ATP2B2: variants seen among roughly 807,000 people sequenced by gnomAD.
ATP2B2 encodes the protein plasma membrane calcium-transporting ATPase 2.
In ATP2B2, 15 loss-of-function variants were observed where a neutral mutation model predicts 120.0. That is an observed-to-expected ratio of 0.12 (90% CI 0.08 to 0.19). The LOEUF (loss-of-function observed/expected upper bound fraction) is 0.19. Among genes scored for constraint, ATP2B2 ranks in the 10% least tolerant of loss-of-function variants. ATP2B2 has a pLI of 1.00. For missense variants in ATP2B2, 1,045 were observed against 1,719.8 expected (o/e 0.61, Z 6.94); for synonymous variants, 694 against 700.3 (o/e 0.99, Z 0.14).
chr3:10,680,155 G>A (rs773662234), intron 1 of ATP2B2, among the ~76,000 whole-genome samples: 2 of 152,176 alleles, frequency 1.3e-5, no homozygotes, highest in Non-Finnish European at 2.9e-5. Context: ...ATATCTTGAA[G>A]ATCCCTGGCA....
intron 14 of ATP2B2, among the ~76,000 whole-genome samples, chr3:10,353,848 G>A (rs544159646): frequency 6.6e-6 from 1 of 152,270 alleles, no homozygotes; most frequent in African/African-American, 2.4e-5. Context: ...GGTCTCACAT[G>A]AGCCCTGGTT....
chr3:10,579,290 G>A (rs1191174568), intron 2 of ATP2B2, among the ~76,000 whole-genome samples: 1 of 152,236 alleles, frequency 6.6e-6, no homozygotes, highest in Non-Finnish European at 1.5e-5. Context: ...CTTGCAGCTC[G>A]TGGAGATGAT....
rs190925080 is a variant in ATP2B2, at chr3:10,338,427, G to A, written c.3238-69C>T. The A allele has an allele frequency of 1.8e-5, 28 of 1,554,308 alleles. No individual in the cohort carries two copies. In the Admixed American group the frequency reaches 2.0e-4, roughly 11 times the overall value. On this transcript the variant is annotated intron_variant, in intron 21 of 22. Transcript: ENST00000360273. ...CAGTGGCCTTCTCTCCCTGACACCC[G>A]CTCCTCTACCTCCCTCCTCCTACCC...
At chr3:10,365,734 C>T (rs2061028172) in intron 12 of ATP2B2, among the ~76,000 whole-genome samples, 1 of 7,170 alleles carries the variant, frequency 1.4e-4, no homozygotes, top group Admixed American at 1.2e-3. Context: ...GTGTGTGGTG[C>T]ATGGTGTGCG....
At chr3:10,673,483 G>T (rs2071165328) in intron 1 of ATP2B2, among the ~76,000 whole-genome samples, 1 of 150,812 alleles carries the variant, frequency 6.6e-6, no homozygotes, top group Non-Finnish European at 1.5e-5. Flanking sequence ...AGAGAGACAG[G>T]AAGAGAGAGA....
At chr3:10,444,908 G>A (rs1350214477) in intron 2 of ATP2B2, among the ~76,000 whole-genome samples, 6 of 152,174 alleles carry the variant, frequency 3.9e-5, no homozygotes, top group African/African-American at 1.2e-4. Flanking sequence ...TCTTCTTTCC[G>A]TGAATATTTC....
Position 10,345,995 on chromosome 3 carries a change from C to T in ATP2B2, c.2511+36G>A, listed in dbSNP as rs952577127. The T allele has an allele frequency of 8.2e-6, 13 of 1,582,348 alleles. No homozygotes were observed. In the Middle Eastern group the frequency reaches 5.0e-4, roughly 60 times the overall value. ...GGTTGTGTAGTCCAATCTCCCCAGC[C>T]CCCACCACCCCAGGCCCTCTGTGGG... On this transcript the variant is annotated intron_variant, in intron 17 of 22. Coordinates refer to ENST00000360273, the MANE Select transcript of ATP2B2 (RefSeq NM_001001331.4).
At chr3:10,377,196 G>T (rs1559251453) in intron 10 of ATP2B2, among the ~76,000 whole-genome samples, 1 of 152,152 alleles carries the variant, frequency 6.6e-6, no homozygotes, top group Non-Finnish European at 1.5e-5. Flanking sequence ...TTTCCATAGA[G>T]TCTTCTGCCT....
intron 14 of ATP2B2, among the ~76,000 whole-genome samples, chr3:10,353,584 C>G (rs1488008363): frequency 6.6e-6 from 1 of 152,112 alleles, no homozygotes; most frequent in Non-Finnish European, 1.5e-5. Flanking sequence ...GGTTCTGGAC[C>G]AGGGATATGC....
chr3:10,551,962 A>C (rs1559454513), intron 2 of ATP2B2, among the ~76,000 whole-genome samples: 1 of 151,680 alleles, frequency 6.6e-6, no homozygotes, highest in Non-Finnish European at 1.5e-5. Flanking sequence ...AACAATGCCA[A>C]GGTTGCATAA....
At chr3:10,512,948 C>T (rs1040451810) in intron 3 of ATP2B2, among the ~76,000 whole-genome samples, 3 of 152,214 alleles carry the variant, frequency 2.0e-5, no homozygotes, top group African/African-American at 7.2e-5. Flanking sequence ...AAAATGCGCA[C>T]GATGCCATGT....
chr3:10,359,607 C>T (rs1396370088), intron 13 of ATP2B2, among the ~76,000 whole-genome samples: 2 of 152,106 alleles, frequency 1.3e-5, no homozygotes, highest in Non-Finnish European at 2.9e-5. Flanking sequence ...GATGAACCAG[C>T]GGCTTAGGGA....
chr3:10,536,011 T>C (rs2067306042), intron 2 of ATP2B2, among the ~76,000 whole-genome samples: 2 of 152,158 alleles, frequency 1.3e-5, no homozygotes, highest in Non-Finnish European at 2.9e-5. Context: ...GTGGATCCAA[T>C]TTCTCTGCAT....
chr3:10,636,336 T>C (rs1257489776), intron 1 of ATP2B2, among the ~76,000 whole-genome samples: 1 of 152,138 alleles, frequency 6.6e-6, no homozygotes, highest in Non-Finnish European at 1.5e-5. Context: ...TTGGGACTTG[T>C]CTTGAAAGGC....
intron 10 of ATP2B2, among the ~76,000 whole-genome samples, chr3:10,377,429 G>A (rs570826764): frequency 2.0e-5 from 3 of 152,328 alleles, no homozygotes; most frequent in East Asian, 1.9e-4. Flanking sequence ...ATGCTGTGGT[G>A]TCTATAATTA....
chr3:10,456,624 C>T (rs982648889), intron 1 of ATP2B2, among the ~76,000 whole-genome samples: 35 of 152,252 alleles, frequency 2.3e-4, no homozygotes, highest in Non-Finnish European at 4.0e-4. Flanking sequence ...CGCTCCCAGA[C>T]CAGCATGTAC....
In ATP2B2 at chr3:10,635,796, A is replaced by G. The variant is rs1036366071; in HGVS notation, c.-459-15835T>C. The stretch of plus-strand genomic sequence containing the variant: ...CAGGCTGGGCTGGAGTCAGCAAATG[A>G]TCCCCTGGTGGGTATTTCATAAAGC... On this transcript the variant is annotated intron_variant, in intron 1 of 21. Coordinates refer to the ATP2B2 transcript ENST00000646379. This position sits in a 1 kb window ranked among gnomAD's most constrained non-coding sequence, Gnocchi z 4.3. Among the ~76,000 whole-genome samples the G allele has an allele frequency of 1.3e-5, 2 of 152,160 alleles. No individual in the cohort carries two copies. Among genetic ancestry groups the G allele is most frequent in the Non-Finnish European group, 1.5e-5 (1 of 68,022 alleles).
At chr3:10,344,205 A>C (rs2060364148) in intron 18 of ATP2B2, among the ~76,000 whole-genome samples, 1 of 151,862 alleles carries the variant, frequency 6.6e-6, no homozygotes, top group Non-Finnish European at 1.5e-5. Flanking sequence ...CTCGCCACCA[A>C]CTCAATCAAA....
At chr3:10,410,270 C>G (rs56080726) in intron 3 of ATP2B2, among the ~76,000 whole-genome samples, 3,000 of 152,220 alleles carry the variant, frequency 0.02, 61 homozygotes, top group Middle Eastern at 0.048. Flanking sequence ...TATACTGAAC[C>G]CAGGGTTTCC....
Sources: gnomAD v4.1 joint callset for allele counts (sites outside exome capture counted in the v4.1 genomes callset) on GRCh38, gnomAD v4.1.1 for gene constraint, Gnocchi (gnomAD v3.1) non-coding constraint, MANE v1.5 for transcripts, NCBI Gene and HGNC (gene_info 2026-07-23, HGNC 2026-07-21) for gene names.